Variants in GFPT2 observed in about 807,000 individuals in gnomAD.
GFPT2 encodes glutamine--fructose-6-phosphate transaminase 2.
Under a neutral mutation model 85.6 loss-of-function variants are expected in GFPT2, and 62 were observed. That is an observed-to-expected ratio of 0.72 (90% CI 0.59 to 0.90). GFPT2 has a LOEUF of 0.90. Ranked by LOEUF, GFPT2 falls within the 40% of genes least tolerant of loss-of-function variation. The probability of loss-of-function intolerance (pLI) is 0.00; values close to 1 mark genes in which losing one functional copy is unlikely to be tolerated. For synonymous variants in GFPT2, 368 were observed against 344.5 expected (o/e 1.07, Z -0.75); for missense variants, 788 against 893.4 (o/e 0.88, Z 1.50).
chr5:180,330,934 T>A lies in GFPT2; in HGVS notation c.400-100A>T. The A allele has an allele frequency of 1.8e-6, 2 of 1,109,158 alleles. No individual in the cohort carries two copies. The highest frequency in any genetic ancestry group is 2.6e-6 in the Non-Finnish European group (2 of 764,404). 68.7% of individuals were successfully genotyped at this position (1,109,158 alleles called of 1,614,324 possible). A position where few individuals can be genotyped will look rare whatever the true frequency, so the allele number is the denominator to read the frequency against. On this transcript the variant is annotated intron_variant, in intron 5 of 18. Transcript: ENST00000253778. This position sits in a 1 kb window ranked among gnomAD's most constrained non-coding sequence, Gnocchi z 4.4. Reference sequence around the variant, plus strand: ...CTGGTGATCTGCCCTTGGAGTGACTTAAGTCAAGAACAGGGAAAACCGGGA... The same window carrying A: ...CTGGTGATCTGCCCTTGGAGTGACTAAAGTCAAGAACAGGGAAAACCGGGA...
chr5:180,310,832 CAAAAAAAAAAAAAA>C (rs3080055), intron 15 of GFPT2, among the ~76,000 whole-genome samples: 52 of 50,582 alleles, frequency 1.0e-3, no homozygotes, highest in African/African-American at 3.7e-3. Context: ...TGGACACAGG[CAAAAAAAAAAAAAA>C]AAAAAAAAAA....
At chr5:180,304,209 G>A (rs1763734632) in intron 17 of GFPT2, among the ~76,000 whole-genome samples, 1 of 152,180 alleles carries the variant, frequency 6.6e-6, no homozygotes, top group Admixed American at 6.5e-5. Flanking sequence ...TGGGTTGGCT[G>A]TGATTTATAT....
intron 17 of GFPT2, among the ~76,000 whole-genome samples, chr5:180,304,410 CTA>C (rs570055666): frequency 1.7e-4 from 26 of 152,336 alleles, no homozygotes; most frequent in South Asian, 1.5e-3. Flanking sequence ...TGCCCCTGCC[CTA>C]TGAGACCTGA....
rs539059353 is a variant in GFPT2 at position 180,316,569 on chromosome 5, A to G, written c.1153-108T>C. The G allele has an allele frequency of 1.3e-5, 17 of 1,280,820 alleles. No individual in the cohort carries two copies. The Admixed American group carries it at 2.9e-4, about 22-fold the overall frequency. 79.3% of individuals were successfully genotyped at this position (1,280,820 alleles called of 1,614,324 possible). ...TTTGTGACACGGAACCTCACTGTCC[A>G]GGTGGCGAGGGGACTTCGGTCACCC... On this transcript the variant is annotated intron_variant, in intron 12 of 18. Transcript: ENST00000253778.
Position 180,336,528 on chromosome 5 carries a change from C to T in GFPT2, c.165G>A (p.Gln55=), listed in dbSNP as rs376060420. 26 of 1,612,278 alleles carry T rather than the reference C, an allele frequency of 1.6e-5. No individual in the cohort carries two copies. The highest frequency in any genetic ancestry group is 1.9e-5 in the Non-Finnish European group (22 of 1,178,384). Residue 55 remains glutamine (Q), a synonymous_variant, in exon 3 of 19, where the codon CAG becomes CAA. Transcript: ENST00000253778. ...NNHEVKERHI[Q]LVKKRGKVKA... ...TGACTTTCCCCCTTTTCTTGACCAG[C>T]TGAATGTGTCTTTCTTTGACTTCGT...
At chr5:180,348,420 C>A (rs990086343) in intron 1 of GFPT2, among the ~76,000 whole-genome samples, 1 of 152,254 alleles carries the variant, frequency 6.6e-6, no homozygotes, top group Non-Finnish European at 1.5e-5. Context: ...TGGGAAAGGT[C>A]ACTTGGTGAA....
At chr5:180,303,122 G>A (rs6887601) in intron 17 of GFPT2, among the ~76,000 whole-genome samples, 1 of 108,924 alleles carries the variant, frequency 9.2e-6, no homozygotes, top group Non-Finnish European at 2.4e-5. Context: ...CCCAGCTACT[G>A]GGGAGGCTGA....
intron 13 of GFPT2, 57 bp from the exon 14 acceptor site, chr5:180,314,021 A>C (rs1763955051): frequency 6.7e-7 from 1 of 1,486,042 alleles, no homozygotes; most frequent in Non-Finnish European, 9.0e-7. Context: ...CCCACCCCAA[A>C]CCCCTTCCTC....
chr5:180,309,165 C>T (rs1159025378), intron 15 of GFPT2, among the ~76,000 whole-genome samples: 8 of 152,116 alleles, frequency 5.3e-5, no homozygotes, highest in African/African-American at 1.9e-4. Context: ...AGCCACCGTG[C>T]CCGGCCCTAG....
intron 15 of GFPT2, among the ~76,000 whole-genome samples, chr5:180,310,910 A>C (rs1484771412): frequency 1.3e-5 from 2 of 151,610 alleles, no homozygotes; most frequent in Non-Finnish European, 2.9e-5. Flanking sequence ...TTTTGTTCAA[A>C]GGGCTTTGCA....
In GFPT2 at chr5:180,302,549, A is replaced by G. The variant is rs1483918391; in HGVS notation, c.1878T>C (p.Thr626=). 2 of 1,613,922 alleles carry G rather than the reference A, an allele frequency of 1.2e-6. No individual in the cohort carries two copies. The highest frequency in any genetic ancestry group is 4.5e-5 in the East Asian group (2 of 44,870). Residue 626 remains threonine (T), a synonymous_variant, in exon 18 of 19, where the codon ACT becomes ACC. Transcript: ENST00000253778. ...RPIILCSKDD[T]ESSKFAYKTI... ...TCTTATACGCAAACTTGGAACTTTC[A>G]GTATCGTCCTTGGAGCACAGTATAA... is the stretch of plus-strand genomic sequence containing the variant.
chr5:180,302,496 C>T lies in GFPT2; in HGVS notation c.1931G>A (p.Cys644Tyr). The change falls in exon 18 of 19, where the codon TGC (cysteine) becomes TAC (tyrosine). Residue 644 changes from cysteine (C) to tyrosine (Y), a missense_variant. Cys to Tyr is a radical substitution (Grantham distance 194). Transcript: ENST00000253778. ...KTIELPHTVDCLQGILSVIPL... is the reference protein window; with the variant it reads ...KTIELPHTVDYLQGILSVIPL... The stretch of plus-strand genomic sequence containing the variant: ...AATCACGCTCAGGATGCCCTGGAGG[C>T]AGTCCACAGTGTGGGGCAGCTCAAT... The T allele has an allele frequency of 6.2e-7, 1 of 1,614,004 alleles. No individual in the cohort carries two copies. The highest frequency in any genetic ancestry group is 8.5e-7 in the Non-Finnish European group (1 of 1,179,880).
chr5:180,320,935 G>A (rs1206457419), intron 9 of GFPT2, among the ~76,000 whole-genome samples: 2 of 152,108 alleles, frequency 1.3e-5, no homozygotes, highest in Non-Finnish European at 2.9e-5. Flanking sequence ...AAGATGGCAA[G>A]CCACTGTACT....
chr5:180,331,746 G>A, intron 4 of GFPT2, 193 bp from the exon 5 acceptor site: 1 of 615,578 alleles, frequency 1.6e-6, no homozygotes, highest in South Asian at 1.7e-5. Flanking sequence ...TTAGCACCAG[G>A]GATGTCTAGG....
intron 4 of GFPT2, among the ~76,000 whole-genome samples, chr5:180,335,331 C>G (rs143584396): frequency 6.6e-6 from 1 of 152,226 alleles, no homozygotes; most frequent in Admixed American, 6.5e-5. Context: ...TGAGGTCTCC[C>G]GCTGGGGCCC....
intron 14 of GFPT2, among the ~76,000 whole-genome samples, chr5:180,312,757 G>A (rs746104888): frequency 1.3e-4 from 19 of 151,554 alleles, no homozygotes; most frequent in Admixed American, 7.9e-4. Context: ...TAATTTTTAG[G>A]TTTTATTTAT....
At chr5:180,314,726 T>C (rs1763967963) in intron 13 of GFPT2, among the ~76,000 whole-genome samples, 1 of 152,174 alleles carries the variant, frequency 6.6e-6, no homozygotes, top group African/African-American at 2.4e-5. Context: ...AGCCCTGGGT[T>C]ATGGCACTGG....
intron 9 of GFPT2, among the ~76,000 whole-genome samples, chr5:180,320,689 C>A (rs1180596448): frequency 2.6e-5 from 4 of 152,190 alleles, no homozygotes; most frequent in African/African-American, 9.7e-5. Flanking sequence ...ATCACTTGAA[C>A]CCAGGAGGCG....
chr5:180,316,917 TGA>T, intron 11 of GFPT2, 44 bp downstream of exon 11: 1 of 1,557,240 alleles, frequency 6.4e-7, no homozygotes, highest in South Asian at 1.1e-5. Flanking sequence ...CCGCATTCCC[TGA>T]GACTAGGCTC....
Sources: gnomAD v4.1 joint callset for allele counts (sites outside exome capture counted in the v4.1 genomes callset) on GRCh38, gnomAD v4.1.1 for gene constraint, Gnocchi (gnomAD v3.1) non-coding constraint, MANE v1.5 for transcripts, NCBI Gene and HGNC (gene_info 2026-07-23, HGNC 2026-07-21) for gene names.